The following AGO1 variants were observed in gnomAD, a reference collection of about 807,000 sequenced individuals.
AGO1 encodes argonaute RISC component 1, also known as protein argonaute-1.
In AGO1, 11 loss-of-function variants were observed where a neutral mutation model predicts 109.2. The observed-to-expected ratio is 0.10, with a 90% CI of 0.06 to 0.17. The LOEUF is 0.17. AGO1 is among the 10% of genes least tolerant of loss of function. The pLI is 1.00. For synonymous variants in AGO1, 422 were observed against 418.6 expected, an observed-to-expected ratio of 1.01 and a Z score of -0.10; for missense variants, 574 against 1,140.3, an observed-to-expected ratio of 0.50 and a Z score of 7.15.
chr1:35,891,121 G>A (rs919962160), intron 2 of AGO1, among the ~76,000 whole-genome samples: 3 of 152,216 alleles, frequency 2.0e-5, no homozygotes, highest in African/African-American at 7.2e-5. Flanking sequence ...ACATAGTGTA[G>A]GAGGGATAGA....
chr1:35,904,921 T>C (rs1645491280), intron 11 of AGO1, among the ~76,000 whole-genome samples: 1 of 152,090 alleles, frequency 6.6e-6, no homozygotes, highest in African/African-American at 2.4e-5. Context: ...GGGGAAAACA[T>C]GAAGGTGCTA....
rs558415281 is a variant in AGO1, at chr1:35,883,373, C to G, written c.-49C>G. The G allele has an allele frequency of 7.1e-5, 113 of 1,584,090 alleles. 2 individuals are homozygous for G. The South Asian group carries it at 1.2e-3, about 17-fold the overall frequency. ...GTGTGGGGTACCTAGGCCCCTCACG[C>G]TGGACTTCACAGTCTCCGGGCCGCC... On this transcript the variant is annotated 5_prime_UTR_variant, in exon 1 of 19. Transcript: ENST00000373204. This position sits in a 1 kb window ranked among gnomAD's most constrained non-coding sequence, Gnocchi z 5.4.
chr1:35,908,077 T>C (rs1645557685), intron 12 of AGO1, among the ~76,000 whole-genome samples: 1 of 152,208 alleles, frequency 6.6e-6, no homozygotes, highest in Admixed American at 6.5e-5. Flanking sequence ...CCAGCTTGGG[T>C]AACATAGTGA....
At chr1:35,914,486 A>G (rs1645699169) in intron 14 of AGO1, among the ~76,000 whole-genome samples, 1 of 152,128 alleles carries the variant, frequency 6.6e-6, no homozygotes. Flanking sequence ...GTGTAGCCAG[A>G]GACTTGACTC....
rs1458793259 is a variant in AGO1 at position 35,907,031 on chromosome 1, C to T, written c.1494C>T (p.Ser498=). ...GCAAATATGCACAGGGGGCAGACAG[C>T]GTGGAGCCTATGTTCCGGCATCTCA... The part of the protein sequence containing the change: ...CFCKYAQGAD[S]VEPMFRHLKN... Residue 498 remains serine, a synonymous_variant, in exon 12 of 19, where the codon AGC becomes AGT. Transcript: ENST00000373204. 3 of 1,614,092 alleles carry T rather than the reference C, an allele frequency of 1.9e-6. No homozygotes were observed. Among genetic ancestry groups the T allele is most frequent in the East Asian group, 2.2e-5 (1 of 44,864 alleles).
Position 35,893,650 on chromosome 1 carries a change from C to A in AGO1, c.513-24C>A. On this transcript the variant is annotated intron_variant, in intron 4 of 18. Coordinates refer to ENST00000373204, the MANE Select transcript of AGO1 (RefSeq NM_012199.5). The surrounding 1 kb of genome is among the most constrained non-coding windows in gnomAD (Gnocchi z 5.6). ...GGGTGGGGGCCTGTGCCCGAGGGAC[C>A]AGTTCTCTGCCTGTCCCTGCCAGGT... 1 of 1,594,926 alleles carries A rather than the reference C, an allele frequency of 6.3e-7. No individual in the cohort carries two copies. The highest frequency in any genetic ancestry group is 8.6e-7 in the Non-Finnish European group (1 of 1,167,888).
At chr1:35,899,262 T>G (rs1645374496) in intron 8 of AGO1, among the ~76,000 whole-genome samples, 1 of 152,248 alleles carries the variant, frequency 6.6e-6, no homozygotes, top group African/African-American at 2.4e-5. Context: ...TGTATGTATA[T>G]ATCATGTTTT....
rs142094247 is a variant in AGO1 at position 35,902,046 on chromosome 1, G to A, written c.1239G>A (p.Ala413=). 41 of 1,608,370 alleles carry A rather than the reference G, an allele frequency of 2.5e-5. No homozygotes were observed. Among genetic ancestry groups the A allele is most frequent in the South Asian group, 8.8e-5 (8 of 90,462 alleles). ...MTEVTGRVLP[A]PILQYGGRNR... is the part of the protein sequence containing the mutation. Reference sequence around the variant, plus strand: ...AGGTGACAGGGCGAGTGCTGCCGGCGCCCATCTTGCAGTACGGCGGCCGGG... The same window carrying A: ...AGGTGACAGGGCGAGTGCTGCCGGCACCCATCTTGCAGTACGGCGGCCGGG... Residue 413 remains alanine, a synonymous_variant, in exon 10 of 19, where the codon GCG becomes GCA. Transcript: ENST00000373204.
At chr1:35,889,323 C>T (rs1289851857) in intron 2 of AGO1, among the ~76,000 whole-genome samples, 1 of 151,380 alleles carries the variant, frequency 6.6e-6, no homozygotes, top group Non-Finnish European at 1.5e-5. Flanking sequence ...AAGCTATTCT[C>T]CTGGCTCAGC....
intron 1 of AGO1, among the ~76,000 whole-genome samples, chr1:35,885,240 A>G (rs1645101907): frequency 6.6e-6 from 1 of 152,170 alleles, no homozygotes; most frequent in Admixed American, 6.5e-5. Context: ...GAACTAGAGT[A>G]GTGGGGTAGG....
At chr1:35,869,848 C>T (rs1238014452) in exon 1 of AGO1, 1 of 152,026 alleles carries the variant, frequency 6.6e-6, no homozygotes, top group East Asian at 1.9e-4. Flanking sequence ...CCACGCAGAA[C>T]TCGGGGAGCC....
upstream of AGO1, chr1:35,882,979 G>C: frequency 1.1e-6 from 1 of 941,282 alleles, no homozygotes; most frequent in Non-Finnish European, 1.3e-6. This position sits in a 1 kb window ranked among gnomAD's most constrained non-coding sequence, Gnocchi z 5.1. Flanking sequence ...AGGGCTGAAG[G>C]CTGCTGTGGC....
chr1:35,892,714 T>C lies in AGO1; in HGVS notation c.330+37T>C, dbSNP rs74064299. ...AGTCAGGCTAGGCCTGTGTCAGGGG[T>C]CTGGGGTAGAACCAAGCTCATGTAA... On this transcript the variant is annotated intron_variant, in intron 3 of 18. Coordinates refer to ENST00000373204, the MANE Select transcript of AGO1 (RefSeq NM_012199.5). 2.5e-4 allele frequency: 410 copies of C among 1,613,896 alleles called. 2 individuals are homozygous for C. The African/African-American group carries it at 4.9e-3, about 19-fold the overall frequency.
At chr1:35,871,193 T>C (rs1416096457) in intron 1 of AGO1, among the ~76,000 whole-genome samples, 1 of 152,140 alleles carries the variant, frequency 6.6e-6, no homozygotes, top group South Asian at 2.1e-4. Context: ...TCCTTAACTT[T>C]TGCCTGATTT....
rs1463928994 is a variant in AGO1 at position 35,888,100 on chromosome 1, T to A, written c.26-327T>A. Among the ~76,000 whole-genome samples, 1 of 152,206 alleles carries A rather than the reference T, an allele frequency of 6.6e-6. No homozygotes were observed. The highest frequency in any genetic ancestry group is 1.9e-4 in the East Asian group (1 of 5,198). On this transcript the variant is annotated intron_variant, in intron 1 of 18. Coordinates refer to ENST00000373204, the MANE Select transcript of AGO1 (RefSeq NM_012199.5). The surrounding 1 kb of genome is among the most constrained non-coding windows in gnomAD (Gnocchi z 4.1). ...GGTGGAGGCAAGTGTCTTACTCTACTAGAAGAAAGAAAGGGTTTTGTTACT... is the reference window on the plus strand; with the variant it reads ...GGTGGAGGCAAGTGTCTTACTCTACAAGAAGAAAGAAAGGGTTTTGTTACT...
intron 17 of AGO1, 92 bp from the exon 18 acceptor site, chr1:35,918,963 A>G (rs951796523): frequency 4.3e-6 from 5 of 1,176,354 alleles, no homozygotes; most frequent in African/African-American, 1.5e-5. Context: ...TGAATTATCT[A>G]CCCAGCCATA....
rs1296204124 is a variant in AGO1 at position 35,893,820 on chromosome 1, G to A, written c.649+10G>A. ...ATGCTCAACATTGATGGTGAGTGGG[G>A]AGAGCTATGGAGCCAGGGGCACCCC... On this transcript the variant is annotated intron_variant, in intron 5 of 18. Coordinates refer to ENST00000373204, the MANE Select transcript of AGO1 (RefSeq NM_012199.5). The surrounding 1 kb of genome is among the most constrained non-coding windows in gnomAD (Gnocchi z 5.6). The A allele has an allele frequency of 6.2e-7, 1 of 1,608,304 alleles. No individual in the cohort carries two copies. Among genetic ancestry groups the A allele is most frequent in the Non-Finnish European group, 8.5e-7 (1 of 1,176,190 alleles).
rs1457670138 is a variant in AGO1 at position 35,923,022 on chromosome 1, G to A, written c.*3415G>A. The stretch of plus-strand genomic sequence containing the variant: ...GAAAAAGAGTGATGAGAAGAGAATG[G>A]AGAGAATTTGAATAAAAGGTGGGAA... On this transcript the variant is annotated 3_prime_UTR_variant, in exon 19 of 19. Coordinates refer to ENST00000373204, the MANE Select transcript of AGO1 (RefSeq NM_012199.5). The A allele has an allele frequency of 6.6e-6, 1 of 152,320 alleles. No homozygotes were observed. The highest frequency in any genetic ancestry group is 1.9e-4 in the East Asian group (1 of 5,198). 9.4% of individuals were successfully genotyped at this position (152,320 alleles called of 1,614,324 possible).
Position 35,906,825 on chromosome 1 carries a change from A to C in AGO1, c.1398-110A>C, listed in dbSNP as rs1042658011. The C allele has an allele frequency of 1.9e-5, 18 of 923,566 alleles. No individual in the cohort carries two copies. In the Admixed American group the frequency reaches 3.5e-4, roughly 18 times the overall value. The allele number at this position is 923,566 out of a possible 1,614,324, so 57.2% of individuals were successfully genotyped here. ...GTCTCAAGGAAAAAAAAAAAAAAAA[A>C]CCAATCTCTCAGTGCCTCTTATAGT... On this transcript the variant is annotated intron_variant, in intron 11 of 18. Transcript: ENST00000373204.
Sources: allele counts gnomAD v4.1 joint callset (sites outside exome capture counted in the v4.1 genomes callset), GRCh38; gene constraint gnomAD v4.1.1; non-coding constraint Gnocchi (gnomAD v3.1); transcripts MANE v1.5; gene names NCBI Gene and HGNC (gene_info 2026-07-23, HGNC 2026-07-21).